The following FMN1 variants were observed in gnomAD, a reference collection of about 807,000 sequenced individuals.
The protein encoded by FMN1 is formin 1, also known as formin-1.
FMN1 carries 110 observed loss-of-function variants against 132.4 expected under a neutral mutation model. The ratio of observed to expected loss-of-function variants is 0.83; its 90% CI spans 0.71 to 0.97. The LOEUF (loss-of-function observed/expected upper bound fraction) is 0.97. Among genes scored for constraint, FMN1 ranks in the 50% least tolerant of loss-of-function variants. The pLI is 0.00. For missense variants in FMN1, 1,792 were observed against 1,705.3 expected, an observed-to-expected ratio of 1.05 and a Z score of -0.90; for synonymous variants, 722 against 651.7, an observed-to-expected ratio of 1.11 and a Z score of -1.64.
intron 6 of FMN1, among the ~76,000 whole-genome samples, chr15:33,050,183 A>C (rs561823198): frequency 6.6e-6 from 1 of 152,336 alleles, no homozygotes; most frequent in Admixed American, 6.5e-5. Flanking sequence ...GTGTATTTTG[A>C]CTTACAATAT....
chr15:32,817,114 G>A (rs1881537), intron 17 of FMN1, among the ~76,000 whole-genome samples: 1 of 152,034 alleles, frequency 6.6e-6, no homozygotes, highest in African/African-American at 2.4e-5. Flanking sequence ...CTATTTACAC[G>A]AAACCTCTGA....
At chr15:33,046,141 AT>A (rs2036672514) in intron 6 of FMN1, among the ~76,000 whole-genome samples, 1 of 152,166 alleles carries the variant, frequency 6.6e-6, no homozygotes, top group African/African-American at 2.4e-5. Context: ...GAAAATATCA[AT>A]CTCTAGAGAA....
intron 7 of FMN1, among the ~76,000 whole-genome samples, chr15:32,980,921 T>C (rs970631736): frequency 2.6e-5 from 4 of 152,074 alleles, no homozygotes; most frequent in Admixed American, 1.3e-4. Flanking sequence ...GGCTGATGCA[T>C]GGAAATTGCT....
At chr15:33,030,336 G>A (rs373431192) in intron 6 of FMN1, among the ~76,000 whole-genome samples, 18 of 152,188 alleles carry the variant, frequency 1.2e-4, no homozygotes, top group African/African-American at 3.6e-4. Context: ...CAGAGACCTG[G>A]TAGGTCAAGA....
Position 32,979,293 on chromosome 15 carries a change from C to T in FMN1, c.2224-9816G>A, listed in dbSNP as rs532475249. ...ACCATTCGCCCGGCATGGTGGTTCA[C>T]ACCTGTAATCCCAGCACTTTCGGAG... is the stretch of plus-strand genomic sequence containing the variant. On this transcript the variant is annotated intron_variant, in intron 7 of 20. Coordinates refer to ENST00000616417, the MANE Select transcript of FMN1 (RefSeq NM_001277313.2). Among the ~76,000 whole-genome samples, 103 of 152,272 alleles carry T rather than the reference C, an allele frequency of 6.8e-4. No individual in the cohort carries two copies. The Middle Eastern group carries it at 0.024, about 35-fold the overall frequency.
At chr15:33,067,571 T>A in intron 5 of FMN1, 1 of 1,613,998 alleles carries the variant, frequency 6.2e-7, no homozygotes, top group Non-Finnish European at 8.5e-7. Context: ...CTGACTTCCC[T>A]CTGATTCTGT....
intron 4 of FMN1, among the ~76,000 whole-genome samples, chr15:33,103,649 C>A (rs552036222): frequency 2.6e-5 from 4 of 151,944 alleles, no homozygotes; most frequent in African/African-American, 9.6e-5. Context: ...TAAAATATAC[C>A]AAAGGAGAAA....
chr15:33,102,835 A>G (rs1053943983), intron 4 of FMN1, among the ~76,000 whole-genome samples: 10 of 152,146 alleles, frequency 6.6e-5, no homozygotes, highest in Non-Finnish European at 1.0e-4. Flanking sequence ...ATGGGTATTC[A>G]GTGTAAAGAA....
chr15:32,800,577 C>T (rs750221684), intron 18 of FMN1, among the ~76,000 whole-genome samples: 1 of 152,164 alleles, frequency 6.6e-6, no homozygotes, highest in Non-Finnish European at 1.5e-5. Flanking sequence ...CCTATAGGAA[C>T]AGGCCATTCA....
At chr15:33,063,180 C>T (rs1399954425) in intron 6 of FMN1, 1 of 152,420 alleles carries the variant, frequency 6.6e-6, no homozygotes, top group Non-Finnish European at 1.5e-5. Flanking sequence ...CGGTGACAGG[C>T]CTGAAATGAT....
At chr15:33,129,240 C>T (rs1361413616) in intron 4 of FMN1, among the ~76,000 whole-genome samples, 1 of 152,150 alleles carries the variant, frequency 6.6e-6, no homozygotes, top group Non-Finnish European at 1.5e-5. Context: ...ATTGAAACCA[C>T]TCAGTGAAAT....
chr15:32,911,174 C>T (rs1201935992), intron 10 of FMN1, among the ~76,000 whole-genome samples: 3 of 152,118 alleles, frequency 2.0e-5, no homozygotes, highest in Non-Finnish European at 2.9e-5. Flanking sequence ...TTAATTTAGC[C>T]GTTAACTAAT....
intron 9 of FMN1, 87 bp downstream of exon 9, chr15:32,964,020 C>CACACACACAG: frequency 1.4e-6 from 1 of 737,852 alleles, no homozygotes. Context: ...ATACGATACA[C>CACACACACAG]ACACACACAC....
intron 4 of FMN1, among the ~76,000 whole-genome samples, chr15:33,152,065 ACTGT>A (rs1964460091): frequency 1.3e-5 from 2 of 152,318 alleles, no homozygotes; most frequent in South Asian, 4.1e-4. Context: ...CCTGTAAGAG[ACTGT>A]CTATCATATT....
At chr15:33,161,281 C>G (rs149664300) in intron 3 of FMN1, among the ~76,000 whole-genome samples, 1 of 152,206 alleles carries the variant, frequency 6.6e-6, no homozygotes, top group Admixed American at 6.5e-5. Context: ...CAACAAGTTT[C>G]CTTGCCCTGT....
intron 6 of FMN1, among the ~76,000 whole-genome samples, chr15:33,018,230 CT>C (rs1394678472): frequency 6.6e-6 from 1 of 152,136 alleles, no homozygotes; most frequent in South Asian, 2.1e-4. Flanking sequence ...CTTGACCCCA[CT>C]TCCTGACAAT....
intron 4 of FMN1, among the ~76,000 whole-genome samples, chr15:33,122,821 GAAT>G (rs773465748): frequency 7.2e-5 from 11 of 152,134 alleles, no homozygotes; most frequent in Non-Finnish European, 1.6e-4. Flanking sequence ...GAGGGAACTG[GAAT>G]ATTTCTTATA....
rs900359275 is a variant in FMN1 at position 33,154,922 on chromosome 15, A to G, written c.-8T>C. On this transcript the variant is annotated 5_prime_UTR_variant, in exon 4 of 21. Transcript: ENST00000616417. ...ACAATGAGTGCCTTCCATTATGCCTACCTAATTATTCATGCCTTGGAGATG... is the reference window on the plus strand; with the variant it reads ...ACAATGAGTGCCTTCCATTATGCCTGCCTAATTATTCATGCCTTGGAGATG... The G allele has an allele frequency of 3.6e-5, 54 of 1,520,988 alleles. 1 individual carries two copies. Among genetic ancestry groups the G allele is most frequent in the Non-Finnish European group, 4.7e-5 (53 of 1,139,380 alleles). 94.2% of individuals were successfully genotyped at this position (1,520,988 alleles called of 1,614,324 possible).
intron 4 of FMN1, chr15:33,149,731 A>C: frequency 3.2e-6 from 3 of 950,720 alleles, no homozygotes; most frequent in Non-Finnish European, 2.5e-6. Context: ...TTTGTACTAC[A>C]TACTTTCTGT....
Sources: gnomAD v4.1 joint callset for allele counts (sites outside exome capture counted in the v4.1 genomes callset) on GRCh38, gnomAD v4.1.1 for gene constraint, MANE v1.5 for transcripts, NCBI Gene and HGNC (gene_info 2026-07-23, HGNC 2026-07-21) for gene names.